Variants in FBXW7 observed in about 807,000 individuals in gnomAD.
FBXW7 encodes F-box/WD repeat-containing protein 7.
Under a neutral mutation model 86.3 loss-of-function variants are expected in FBXW7, and 11 were observed. That is an observed-to-expected ratio of 0.13 (90% CI 0.08 to 0.21). FBXW7 has a LOEUF of 0.21. Ranked by LOEUF, FBXW7 falls within the 10% of genes least tolerant of loss-of-function variation. FBXW7 has a pLI of 1.00. For missense variants in FBXW7, 488 were observed against 847.4 expected, an observed-to-expected ratio of 0.58 and a Z score of 5.27; for synonymous variants, 313 against 297.9, an observed-to-expected ratio of 1.05 and a Z score of -0.52.
Position 152,353,566 on chromosome 4 carries a change from C to A in FBXW7, c.502-3442G>T, listed in dbSNP as rs575816670. Among the ~76,000 whole-genome samples the A allele has an allele frequency of 7.2e-5, 11 of 152,222 alleles. No individual in the cohort carries two copies. In the East Asian group the frequency reaches 2.1e-3, roughly 29 times the overall value. ...AAGTTTGGCCAAAAGGCTATTTTAT[C>A]CCCAAAAGAGCAAACACTGTGCTGG... On this transcript the variant is annotated intron_variant, in intron 4 of 13. Coordinates refer to ENST00000281708, the MANE Select transcript of FBXW7 (RefSeq NM_001349798.2).
chr4:152,377,481 G>C (rs1192006570), intron 4 of FBXW7, among the ~76,000 whole-genome samples: 7 of 152,018 alleles, frequency 4.6e-5, no homozygotes, highest in African/African-American at 1.4e-4. Context: ...GGCCAGGCAC[G>C]GTGGCTCTGC....
Position 152,474,893 on chromosome 4 carries a change from C to T in FBXW7, c.-120+60048G>A, listed in dbSNP as rs567875984. Among the ~76,000 whole-genome samples the T allele has an allele frequency of 1.4e-4, 21 of 152,048 alleles. 1 individual carries two copies. In the East Asian group the frequency reaches 4.1e-3, roughly 30 times the overall value. On this transcript the variant is annotated intron_variant, in intron 2 of 13. Coordinates refer to ENST00000281708, the MANE Select transcript of FBXW7 (RefSeq NM_001349798.2). The stretch of plus-strand genomic sequence containing the variant: ...GTTAGCCAGGATGGTCTCGATCTCC[C>T]GACCTCATGATCCGCCCGTCTTGGC...
At chr4:152,525,051 A>C (rs1412136216) in intron 2 of FBXW7, among the ~76,000 whole-genome samples, 1 of 152,232 alleles carries the variant, frequency 6.6e-6, no homozygotes, top group African/African-American at 2.4e-5. Flanking sequence ...TCTTCTTCCC[A>C]TCCAGGAACT....
intron 2 of FBXW7, among the ~76,000 whole-genome samples, chr4:152,439,406 A>G (rs1206094733): frequency 5.3e-5 from 8 of 152,080 alleles, no homozygotes; most frequent in African/African-American, 1.5e-4. Context: ...ATTTAGCTAT[A>G]TAATATTTTT....
chr4:152,442,507 T>A (rs2126988246), intron 2 of FBXW7, among the ~76,000 whole-genome samples: 2 of 152,368 alleles, frequency 1.3e-5, no homozygotes, highest in Middle Eastern at 6.8e-3. Flanking sequence ...TCTGTCTCTC[T>A]CATTAGGACT....
intron 2 of FBXW7, among the ~76,000 whole-genome samples, chr4:152,425,830 A>G (rs879399028): frequency 6.6e-6 from 1 of 152,140 alleles, no homozygotes; most frequent in Non-Finnish European, 1.5e-5. Flanking sequence ...ATAGTTCTCT[A>G]ATAGGAAACC....
At chr4:152,528,537 T>C (rs1433216068) in intron 2 of FBXW7, among the ~76,000 whole-genome samples, 1 of 152,202 alleles carries the variant, frequency 6.6e-6, no homozygotes, top group Non-Finnish European at 1.5e-5. Flanking sequence ...TAGTTAAATG[T>C]TAAGTTTGTC....
intron 2 of FBXW7, among the ~76,000 whole-genome samples, chr4:152,464,413 G>A (rs190883591): frequency 2.1e-3 from 327 of 152,094 alleles, no homozygotes; most frequent in Non-Finnish European, 3.8e-3. Flanking sequence ...ACAGACTGAG[G>A]AAAAAGGGTA....
chr4:152,336,565 G>A (rs1730141211), intron 7 of FBXW7, among the ~76,000 whole-genome samples: 1 of 152,032 alleles, frequency 6.6e-6, no homozygotes, highest in African/African-American at 2.4e-5. Flanking sequence ...AAATACTTAT[G>A]TAAGTGTTTC....
At chr4:152,419,489 A>T (rs944178715) in intron 2 of FBXW7, among the ~76,000 whole-genome samples, 4 of 134,820 alleles carry the variant, frequency 3.0e-5, no homozygotes, top group African/African-American at 1.1e-4. Context: ...CACTAGGATA[A>T]GGTAAACACA....
chr4:152,346,150 T>A (rs1731242737), intron 6 of FBXW7, among the ~76,000 whole-genome samples: 1 of 152,112 alleles, frequency 6.6e-6, no homozygotes, highest in Admixed American at 6.6e-5. Context: ...GGTTATAAAG[T>A]TCATAATATT....
intron 2 of FBXW7, among the ~76,000 whole-genome samples, chr4:152,438,342 G>A (rs1740576802): frequency 6.6e-6 from 1 of 152,060 alleles, no homozygotes; most frequent in African/African-American, 2.4e-5. Flanking sequence ...CTTAATTGTA[G>A]TGGTCTAGAA....
intron 2 of FBXW7, among the ~76,000 whole-genome samples, chr4:152,435,806 A>G (rs557281656): frequency 4.9e-4 from 75 of 152,330 alleles, no homozygotes; most frequent in African/African-American, 1.7e-3. Flanking sequence ...TTTTTTCAAA[A>G]GCATGTGGTA....
chr4:152,324,505 G>A (rs1728831854), intron 12 of FBXW7, 111 bp from the exon 13 acceptor site: 2 of 814,248 alleles, frequency 2.5e-6, no homozygotes, highest in Non-Finnish European at 3.9e-6. Flanking sequence ...GTAATGCCAG[G>A]AACAAAATGA....
intron 10 of FBXW7, among the ~76,000 whole-genome samples, chr4:152,329,267 T>C (rs1321942376): frequency 6.6e-6 from 1 of 151,864 alleles, no homozygotes; most frequent in Non-Finnish European, 1.5e-5. Context: ...TACAGGTAGG[T>C]TATCAACAAA....
chr4:152,440,575 C>G (rs1452875209), intron 2 of FBXW7, among the ~76,000 whole-genome samples: 2 of 152,138 alleles, frequency 1.3e-5, no homozygotes, highest in Non-Finnish European at 2.9e-5. Flanking sequence ...TGTTTTACAT[C>G]AAGGCATTTT....
chr4:152,329,076 T>C (rs908377002), intron 10 of FBXW7: 1 of 151,960 alleles, frequency 6.6e-6, no homozygotes, highest in African/African-American at 2.4e-5. Context: ...CATGAAAATA[T>C]TCTCTACTGG....
chr4:152,387,607 TAAA>T (rs140171187), intron 4 of FBXW7, among the ~76,000 whole-genome samples: 133 of 129,210 alleles, frequency 1.0e-3, no homozygotes, highest in African/African-American at 3.7e-3. Context: ...GCAAAAACTG[TAAA>T]AAAAAAAAAA....
chr4:152,467,789 A>G (rs1337583138), intron 2 of FBXW7, among the ~76,000 whole-genome samples: 1 of 152,174 alleles, frequency 6.6e-6, no homozygotes, highest in East Asian at 1.9e-4. Context: ...ATAACACCAA[A>G]AGAACAAGCA....
Sources: gnomAD v4.1 joint callset for allele counts (sites outside exome capture counted in the v4.1 genomes callset) on GRCh38, gnomAD v4.1.1 for gene constraint, MANE v1.5 for transcripts, NCBI Gene and HGNC (gene_info 2026-07-23, HGNC 2026-07-21) for gene names.